The following WSCD2 variants were observed in gnomAD, a reference collection of about 807,000 sequenced individuals.
WSCD2 encodes WSC domain sialate O sulfotransferase 2.
In WSCD2, 28 loss-of-function variants were observed where a neutral mutation model predicts 55.7. That is an observed-to-expected ratio of 0.50 (90% confidence interval 0.37 to 0.69). WSCD2 has a LOEUF of 0.69. WSCD2 is among the 30% of genes least tolerant of loss of function. WSCD2 has a pLI of 0.00. For synonymous variants in WSCD2, 301 were observed against 301.9 expected (o/e 1.00, Z 0.03); for missense variants, 616 against 762.1 (o/e 0.81, Z 2.26).
chr12:108,237,933 G>T (rs1593116606), intron 7 of WSCD2, among the ~76,000 whole-genome samples: 1 of 152,156 alleles, frequency 6.6e-6, no homozygotes, highest in East Asian at 1.9e-4. Flanking sequence ...CCATGTTTCT[G>T]GCAATTTATT....
chr12:108,243,380 G>T (rs2137240662), intron 8 of WSCD2, among the ~76,000 whole-genome samples: 1 of 152,302 alleles, frequency 6.6e-6, no homozygotes, highest in African/African-American at 2.4e-5. Flanking sequence ...TGGGACTACA[G>T]GTGCCCAGCA....
chr12:108,250,169 C>CGTGTG lies in WSCD2; in HGVS notation c.*1826_*1827insGTGTG, dbSNP rs1462360652. On this transcript the variant is annotated 3_prime_UTR_variant, in exon 9 of 9. Transcript: ENST00000547525. ...ACAGGTTCACAAATGGGATGTTTTC[C>CGTGTG]TAGTGTGTGTGTGTGTGTGTGTGTG... 2.2e-5 allele frequency: 2 copies of CGTGTG among 91,004 alleles called. No homozygotes were observed. The highest frequency in any genetic ancestry group is 2.9e-4 in the East Asian group (1 of 3,394). The allele number at this position is 91,004 out of a possible 1,614,324, so 5.6% of individuals were successfully genotyped here.
In WSCD2 at chr12:108,168,490, G is replaced by C. The variant is rs145944488; in HGVS notation, c.-551-26792G>C. ...GACTGGGTGGGATGCTCCTCCATGT[G>C]CCTATACAGCCTTAGACTTCTGAGT... On this transcript the variant is annotated intron_variant, in intron 1 of 8. Transcript: ENST00000547525. Among the ~76,000 whole-genome samples the C allele has an allele frequency of 3.3e-5, 5 of 152,188 alleles. No individual in the cohort carries two copies. The East Asian group carries it at 9.7e-4, about 29-fold the overall frequency.
At chr12:108,152,132 C>T (rs1257826108) in intron 1 of WSCD2, among the ~76,000 whole-genome samples, 9 of 152,158 alleles carry the variant, frequency 5.9e-5, no homozygotes, top group Admixed American at 5.9e-4. Context: ...GAGGAAGGGC[C>T]AAGAGGAAAA....
intron 1 of WSCD2, among the ~76,000 whole-genome samples, chr12:108,136,225 T>C (rs1057112935): frequency 1.3e-5 from 2 of 149,692 alleles, no homozygotes; most frequent in Non-Finnish European, 3.0e-5. Flanking sequence ...CAAGGCCACA[T>C]AGACAGTAGG....
intron 8 of WSCD2, among the ~76,000 whole-genome samples, chr12:108,246,426 T>C (rs1181872749): frequency 2.6e-5 from 4 of 152,126 alleles, no homozygotes; most frequent in Non-Finnish European, 4.4e-5. Flanking sequence ...CAGGTCTCAG[T>C]TCATGGTTTT....
intron 1 of WSCD2, among the ~76,000 whole-genome samples, chr12:108,152,157 AC>A (rs1878074456): frequency 6.6e-6 from 1 of 152,316 alleles, no homozygotes; most frequent in African/African-American, 2.4e-5. Context: ...GAGAAGCAAA[AC>A]CCAGCAAAAC....
intron 6 of WSCD2, 34 bp from the exon 7 acceptor site, chr12:108,232,697 G>C: frequency 6.3e-7 from 1 of 1,576,478 alleles, no homozygotes; most frequent in Non-Finnish European, 8.6e-7. Context: ...TCTGCCCCTG[G>C]TGTTGACCTC....
chr12:108,157,524 C>T (rs906097291), intron 1 of WSCD2, among the ~76,000 whole-genome samples: 1 of 152,134 alleles, frequency 6.6e-6, no homozygotes. Flanking sequence ...ATCTTTTTAC[C>T]CTTTCCACAG....
intron 4 of WSCD2, among the ~76,000 whole-genome samples, chr12:108,212,605 TCTCTCTCTCA>T (rs1186873340): frequency 2.8e-5 from 3 of 106,344 alleles, no homozygotes; most frequent in Admixed American, 1.0e-4. Flanking sequence ...TCTCTCTCTC[TCTCTCTCTCA>T]CACACACACA....
chr12:108,161,503 G>C (rs888672583), intron 1 of WSCD2, among the ~76,000 whole-genome samples: 1 of 152,168 alleles, frequency 6.6e-6, no homozygotes, highest in Non-Finnish European at 1.5e-5. Flanking sequence ...GCCAAGAAAT[G>C]CCAAAGATTG....
At chr12:108,150,662 A>T (rs1320861160) in intron 1 of WSCD2, among the ~76,000 whole-genome samples, 2 of 152,140 alleles carry the variant, frequency 1.3e-5, no homozygotes, top group Non-Finnish European at 1.5e-5. Context: ...GGACCCCGAT[A>T]TGCAGTCGGT....
chr12:108,240,972 T>G (rs1204274178), intron 8 of WSCD2, among the ~76,000 whole-genome samples: 1 of 152,154 alleles, frequency 6.6e-6, no homozygotes, highest in African/African-American at 2.4e-5. Context: ...TTCATGGCAC[T>G]GGAGATGCTC....
chr12:108,221,596 T>C (rs1167726639), intron 4 of WSCD2, among the ~76,000 whole-genome samples: 1 of 152,132 alleles, frequency 6.6e-6, no homozygotes, highest in Admixed American at 6.5e-5. Flanking sequence ...TGTCCAGTGT[T>C]TCTTTACAGG....
At chr12:108,176,883 G>A (rs753194010) in intron 1 of WSCD2, among the ~76,000 whole-genome samples, 92 of 152,178 alleles carry the variant, frequency 6.0e-4, no homozygotes, top group Non-Finnish European at 1.1e-3. Flanking sequence ...CTGTCTAGAC[G>A]ATTAGAACAG....
Position 108,161,880 on chromosome 12 carries a change from T to A in WSCD2, c.-552+31954T>A, listed in dbSNP as rs1879103095. On this transcript the variant is annotated intron_variant, in intron 1 of 8. Transcript: ENST00000547525. ...CCACTCTGGGCCCTCAGTGCCCTTA[T>A]CTGTAAAACAAAAGCTCCACCTGAT... is the stretch of plus-strand genomic sequence containing the variant. 2.0e-5 allele frequency among the ~76,000 whole-genome samples: 3 copies of A among 152,308 alleles called. No individual in the cohort carries two copies. The South Asian group carries it at 6.2e-4, about 32-fold the overall frequency.
At chr12:108,134,718 T>C (rs553333060) in intron 1 of WSCD2, among the ~76,000 whole-genome samples, 1 of 152,314 alleles carries the variant, frequency 6.6e-6, no homozygotes, top group African/African-American at 2.4e-5. Context: ...TACTTTTCAC[T>C]GTTGGTGTCC....
At chr12:108,151,907 C>T (rs1300865717) in intron 1 of WSCD2, among the ~76,000 whole-genome samples, 1 of 152,214 alleles carries the variant, frequency 6.6e-6, no homozygotes, top group African/African-American at 2.4e-5. Flanking sequence ...CAGTTCTTTC[C>T]AACATTCTCT....
chr12:108,166,728 CTTT>C (rs1879640509), intron 1 of WSCD2, among the ~76,000 whole-genome samples: 1 of 71,582 alleles, frequency 1.4e-5, no homozygotes, highest in South Asian at 5.9e-4. Flanking sequence ...CCTTCTTTCT[CTTT>C]CTTTCTTTCT....
Sources: allele counts gnomAD v4.1 joint callset (sites outside exome capture counted in the v4.1 genomes callset), GRCh38; gene constraint gnomAD v4.1.1; transcripts MANE v1.5; gene names NCBI Gene and HGNC (gene_info 2026-07-23, HGNC 2026-07-21).